DEAF1: variants seen among roughly 807,000 people sequenced by gnomAD.
DEAF1 encodes the protein deformed epidermal autoregulatory factor 1 homolog.
DEAF1 carries 53 observed loss-of-function variants against 58.9 expected under a neutral mutation model. That is an observed-to-expected ratio of 0.90 (90% CI 0.72 to 1.13). The LOEUF is 1.13. Among genes scored for constraint, DEAF1 ranks in the 50% most tolerant of loss-of-function variants. DEAF1 has a pLI of 0.00. For missense variants in DEAF1, 685 were observed against 791.4 expected (o/e 0.87, Z 1.61); for synonymous variants, 385 against 340.4 (o/e 1.13, Z -1.44).
chr11:693,830 T>C (rs778888830), intron 1 of DEAF1, among the ~76,000 whole-genome samples: 35 of 152,070 alleles, frequency 2.3e-4, no homozygotes, highest in Non-Finnish European at 2.8e-4. Context: ...TATATAAAAA[T>C]GTGGACTGGA....
upstream of DEAF1, among the ~76,000 whole-genome samples, chr11:698,277 A>G (rs779115658): frequency 1.4e-5 from 2 of 145,958 alleles, no homozygotes; most frequent in African/African-American, 5.1e-5. Context: ...GACTCCACTC[A>G]CTCCTCGGGC....
rs1860341016 is a variant in DEAF1 at position 681,052 on chromosome 11, C to A, written c.908G>T (p.Arg303Leu). 6.2e-7 allele frequency: 1 copy of A among 1,614,060 alleles called. No homozygotes were observed. The highest frequency in any genetic ancestry group is 1.7e-5 in the Admixed American group (1 of 60,016). ...PVRLFVPYKR[R>L]KKENELPTTP... ...TGTGGGCAGTTCATTCTCCTTCTTG[C>A]GCCTTTTGTAAGGCACAAAAAGCCT... is the stretch of plus-strand genomic sequence containing the variant. The change falls in exon 7 of 12, where the codon CGC becomes CTC. Residue 303 changes from arginine to leucine, a missense_variant. Coordinates refer to ENST00000382409, the MANE Select transcript of DEAF1 (RefSeq NM_021008.4).
intron 10 of DEAF1, among the ~76,000 whole-genome samples, chr11:667,433 A>AAAG: frequency 1.0e-5 from 1 of 95,372 alleles, no homozygotes; most frequent in African/African-American, 8.9e-5. Flanking sequence ...GAAAAGAGGA[A>AAAG]AGGAAGGAAG....
At position 654,127 on chromosome 11, in the gene DEAF1, T is replaced by TGCA. The variant is rs565442708; in HGVS notation, c.1504-79_1504-77dup. 2,008 of 1,241,754 alleles carry TGCA rather than the reference T, an allele frequency of 1.6e-3. 22 individuals are homozygous for TGCA. The highest frequency in any genetic ancestry group is 0.015 in the South Asian group (1,194 of 81,374). 76.9% of individuals were successfully genotyped at this position (1,241,754 alleles called of 1,614,324 possible). A position where few individuals can be genotyped will look rare whatever the true frequency, so the allele number is the denominator to read the frequency against. On this transcript the variant is annotated intron_variant, in intron 10 of 11. Coordinates refer to ENST00000382409, the MANE Select transcript of DEAF1 (RefSeq NM_021008.4). ...CTGAGACACCGGGGACAGAGGCAGG[T>TGCA]GCAGGCAGGAGGCCCCAAGTTCCCC...
At chr11:675,409 A>G (rs1189252796) in intron 9 of DEAF1, among the ~76,000 whole-genome samples, 1 of 152,118 alleles carries the variant, frequency 6.6e-6, no homozygotes, top group East Asian at 1.9e-4. Context: ...TTCACCTGTG[A>G]TCCCAGCTAC....
Position 684,111 on chromosome 11 carries a change from T to C in DEAF1, c.870+787A>G, listed in dbSNP as rs572368234. 2.7e-5 allele frequency among the ~76,000 whole-genome samples: 4 copies of C among 147,646 alleles called. No homozygotes were observed. The South Asian group carries it at 6.4e-4, about 24-fold the overall frequency. On this transcript the variant is annotated intron_variant, in intron 6 of 11. Coordinates refer to ENST00000382409, the MANE Select transcript of DEAF1 (RefSeq NM_021008.4). Reference sequence around the variant, plus strand: ...TGTTTCACCCCAAGAACACGGTAGGTCTCTCCATGCTCTTTTTTTTTTTTT... The same window carrying C: ...TGTTTCACCCCAAGAACACGGTAGGCCTCTCCATGCTCTTTTTTTTTTTTT...
chr11:695,661 G>C (rs1001107686), upstream of DEAF1: 23 of 1,244,978 alleles, frequency 1.8e-5, no homozygotes, highest in African/African-American at 3.1e-4. Context: ...TGCCCGAGCG[G>C]TGCCGGACGG....
intron 11 of DEAF1, among the ~76,000 whole-genome samples, chr11:650,877 G>A (rs192224548): frequency 3.9e-4 from 59 of 152,188 alleles, no homozygotes; most frequent in African/African-American, 1.3e-3. Flanking sequence ...CTCCAGTCTG[G>A]GTGACAGAGT....
chr11:673,523 G>A (rs1325789575), intron 10 of DEAF1, among the ~76,000 whole-genome samples: 1 of 152,166 alleles, frequency 6.6e-6, no homozygotes, highest in African/African-American at 2.4e-5. Flanking sequence ...GTGACAGCCT[G>A]TTCCACAAAT....
chr11:645,978 C>T (rs1041462829), intron 11 of DEAF1, among the ~76,000 whole-genome samples: 1 of 152,068 alleles, frequency 6.6e-6, no homozygotes, highest in Admixed American at 6.6e-5. Context: ...TTAGGCCGGG[C>T]GCAGTGGTTC....
At chr11:667,369 GAGGA>G (rs1214803701) in intron 10 of DEAF1, among the ~76,000 whole-genome samples, 37 of 124,006 alleles carry the variant, frequency 3.0e-4, no homozygotes, top group Middle Eastern at 7.8e-3. Context: ...GGGAGGGAGG[GAGGA>G]AGGAAGGAAG....
intron 7 of DEAF1, 97 bp from the exon 8 acceptor site, chr11:679,913 G>A: frequency 6.5e-7 from 1 of 1,543,598 alleles, no homozygotes; most frequent in Non-Finnish European, 8.8e-7. Flanking sequence ...GTGGGGGCCT[G>A]GGCTGAAGGG....
At chr11:679,858 G>T in intron 7 of DEAF1, 42 bp from the exon 8 acceptor site, 1 of 1,608,782 alleles carries the variant, frequency 6.2e-7, no homozygotes, top group Non-Finnish European at 8.5e-7. Context: ...AGGCAGTGGC[G>T]CCCACGGCAC....
chr11:688,768 C>T lies in DEAF1; in HGVS notation c.388-308G>A, dbSNP rs1860701035. ...CTCCCTTCCACCTGAGCCGCTCCCA[C>T]AAGGTCACCGTCTTCATGCAGAGTT... On this transcript the variant is annotated intron_variant, in intron 2 of 11. Transcript: ENST00000382409. This position sits in a 1 kb window ranked among gnomAD's most constrained non-coding sequence, Gnocchi z 4.3. 6.6e-6 allele frequency among the ~76,000 whole-genome samples: 1 copy of T among 152,214 alleles called. No homozygotes were observed.
rs1860679605 is a variant in DEAF1, at chr11:688,179, C to T, written c.518-122G>A. 1 of 1,535,158 alleles carries T rather than the reference C, an allele frequency of 6.5e-7. No homozygotes were observed. The highest frequency in any genetic ancestry group is 1.4e-5 in the African/African-American group (1 of 72,938). ...TTCAACGGCGGAAAAACTTCTTGGT[C>T]AGGAAAATTCCAATGCTTTTACTTA... On this transcript the variant is annotated intron_variant, in intron 3 of 11. Coordinates refer to ENST00000382409, the MANE Select transcript of DEAF1 (RefSeq NM_021008.4). This position sits in a 1 kb window ranked among gnomAD's most constrained non-coding sequence, Gnocchi z 4.3.
chr11:705,507 G>A (rs943216951), intron 1 of DEAF1: 4 of 153,548 alleles, frequency 2.6e-5, no homozygotes, highest in African/African-American at 7.2e-5. Flanking sequence ...CATCCTGAGA[G>A]GGCCTGAGGT....
intron 10 of DEAF1, among the ~76,000 whole-genome samples, chr11:673,830 TC>T (rs1859937210): frequency 6.6e-6 from 1 of 152,130 alleles, no homozygotes; most frequent in Non-Finnish European, 1.5e-5. Flanking sequence ...CCACCCTCTC[TC>T]CAGTTTACTC....
chr11:662,021 G>T (rs1409365262), intron 10 of DEAF1, among the ~76,000 whole-genome samples: 4 of 152,216 alleles, frequency 2.6e-5, no homozygotes, highest in Non-Finnish European at 5.9e-5. Context: ...TATGGGCCGG[G>T]CGCGGTGGCT....
At chr11:650,373 CA>C (rs796351710) in intron 11 of DEAF1, among the ~76,000 whole-genome samples, 422 of 22,228 alleles carry the variant, frequency 0.019, no homozygotes, top group East Asian at 0.044. Context: ...CAGTCCGTCT[CA>C]AAAAAAAAAA....
Sources: allele counts gnomAD v4.1 joint callset (sites outside exome capture counted in the v4.1 genomes callset), GRCh38; gene constraint gnomAD v4.1.1; non-coding constraint Gnocchi (gnomAD v3.1); transcripts MANE v1.5; gene names NCBI Gene and HGNC (gene_info 2026-07-23, HGNC 2026-07-21).